PTPRG: variants seen among roughly 807,000 people sequenced by gnomAD.
PTPRG encodes receptor-type tyrosine-protein phosphatase gamma.
PTPRG carries 102 observed loss-of-function variants against 165.3 expected under a neutral mutation model. The observed-to-expected ratio is 0.62, with a 90% CI of 0.53 to 0.73. The LOEUF is 0.73. PTPRG is among the 30% of genes least tolerant of loss of function. The pLI, the probability that PTPRG is intolerant of heterozygous loss-of-function variation, is 0.00. For synonymous variants in PTPRG, 675 were observed against 669.5 expected (o/e 1.01, Z -0.13); for missense variants, 1,866 against 1,861.4 (o/e 1.00, Z -0.05).
chr3:62,130,862 G>A (rs567050955), intron 5 of PTPRG, among the ~76,000 whole-genome samples: 3 of 152,092 alleles, frequency 2.0e-5, no homozygotes, highest in Admixed American at 6.5e-5. Flanking sequence ...TTCTTCTCAG[G>A]CAATTTGTAG....
intron 12 of PTPRG, among the ~76,000 whole-genome samples, chr3:62,206,912 C>CAAAAAAAAAAAAAAAAAAAA (rs556974355): frequency 5.4e-5 from 2 of 37,338 alleles, no homozygotes; most frequent in African/African-American, 1.4e-4. Context: ...GACTCTGTCT[C>CAAAAAAAAAAAAAAAAAAAA]AAAAAAAAAA....
chr3:61,959,527 C>T (rs1033729536), intron 2 of PTPRG, among the ~76,000 whole-genome samples: 1 of 152,146 alleles, frequency 6.6e-6, no homozygotes, highest in Non-Finnish European at 1.5e-5. Flanking sequence ...TAACCGGAGG[C>T]GGAGCTCAGG....
At chr3:61,723,506 C>T (rs1369613468) in intron 1 of PTPRG, among the ~76,000 whole-genome samples, 1 of 151,992 alleles carries the variant, frequency 6.6e-6, no homozygotes, top group African/African-American at 2.4e-5. Flanking sequence ...GTCCTTGTTT[C>T]TATCAAAAAG....
At chr3:61,957,297 C>T (rs547312152) in intron 2 of PTPRG, among the ~76,000 whole-genome samples, 56 of 152,190 alleles carry the variant, frequency 3.7e-4, no homozygotes, top group Non-Finnish European at 6.8e-4. Context: ...AAATGTAAAA[C>T]AGTGAGACCA....
At chr3:61,648,586 T>C (rs775947453) in intron 1 of PTPRG, among the ~76,000 whole-genome samples, 2 of 152,234 alleles carry the variant, frequency 1.3e-5, no homozygotes, top group African/African-American at 2.4e-5. Context: ...GGTGTTTGAG[T>C]GGGGTGACCC....
Position 61,855,590 on chromosome 3 carries a change from G to A in PTPRG, c.190+106608G>A, listed in dbSNP as rs114235218. 1.1e-3 allele frequency among the ~76,000 whole-genome samples: 166 copies of A among 146,696 alleles called. 1 individual carries two copies. The highest frequency in any genetic ancestry group is 2.0e-3 in the Non-Finnish European group (136 of 66,850). ...ATAGCTTTAAAATGTTCATGTTAAA[G>A]TAGACTTTATAGTCTTGTAATGTTT... On this transcript the variant is annotated intron_variant, in intron 2 of 29. Transcript: ENST00000474889.
Position 61,746,208 on chromosome 3 carries a change from A to ATTTTTTTTTTT in PTPRG, c.86-2652_86-2642dup, listed in dbSNP as rs750697053. On this transcript the variant is annotated intron_variant, in intron 1 of 29. Coordinates refer to ENST00000474889, the MANE Select transcript of PTPRG (RefSeq NM_002841.4). ...CAGGCGTGTGCCACCACACACTCTA[A>ATTTTTTTTTTT]TTTTTTTTTTTTTTTTTTTTTTTTT... 5.8e-4 allele frequency among the ~76,000 whole-genome samples: 47 copies of ATTTTTTTTTTT among 81,320 alleles called. 2 individuals carry two copies. The highest frequency in any genetic ancestry group is 8.1e-4 in the East Asian group (2 of 2,476). The allele number at this position is 81,320 out of a possible 152,430, so 53.3% of individuals were successfully genotyped here.
In PTPRG at chr3:62,203,998, C is replaced by T. The variant is rs760682932; in HGVS notation, c.2155+48C>T. 49 of 1,502,712 alleles carry T rather than the reference C, an allele frequency of 3.3e-5. No individual in the cohort carries two copies. The highest frequency in any genetic ancestry group is 1.8e-4 in the Middle Eastern group (1 of 5,568). The allele number at this position is 1,502,712 out of a possible 1,614,324, so 93.1% of individuals were successfully genotyped here. A position where few individuals can be genotyped will look rare whatever the true frequency, so the allele number is the denominator to read the frequency against. ...GAGGGTTCCTGCTCCTGTGAATAGT[C>T]GTACCCTTTTTCAAAAAATTGGGAG... is the stretch of plus-strand genomic sequence containing the variant. On this transcript the variant is annotated intron_variant, in intron 12 of 29. Coordinates refer to ENST00000474889, the MANE Select transcript of PTPRG (RefSeq NM_002841.4). The surrounding 1 kb of genome is among the most constrained non-coding windows in gnomAD (Gnocchi z 6.4).
intron 1 of PTPRG, among the ~76,000 whole-genome samples, chr3:61,681,428 C>A (rs1047506028): frequency 6.6e-6 from 1 of 152,200 alleles, no homozygotes; most frequent in Non-Finnish European, 1.5e-5. Flanking sequence ...GGGTATTGGT[C>A]TGCTTTCAGT....
rs1700330130 is a variant in PTPRG at position 62,210,351 on chromosome 3, C to T, written c.2155+6401C>T. Among the ~76,000 whole-genome samples the T allele has an allele frequency of 6.6e-6, 1 of 152,118 alleles. No individual in the cohort carries two copies. The highest frequency in any genetic ancestry group is 1.5e-5 in the Non-Finnish European group (1 of 68,032). On this transcript the variant is annotated intron_variant, in intron 12 of 29. Transcript: ENST00000474889. This position sits in a 1 kb window ranked among gnomAD's most constrained non-coding sequence, Gnocchi z 4.1. ...GAAAAATAAAAGGCCAGTTTTGTGG[C>T]CCTGTAAAAACAGCAGCCACCTTAT...
chr3:61,772,932 A>G (rs1402952970), intron 2 of PTPRG, among the ~76,000 whole-genome samples: 1 of 152,232 alleles, frequency 6.6e-6, no homozygotes, highest in Admixed American at 6.5e-5. Context: ...AACGAATGGG[A>G]GAAATGAGTG....
chr3:61,703,642 G>T (rs888642561), intron 1 of PTPRG, among the ~76,000 whole-genome samples: 5 of 152,132 alleles, frequency 3.3e-5, no homozygotes, highest in African/African-American at 9.7e-5. Flanking sequence ...GCATAGGATT[G>T]TATCAGTGAA....
At chr3:61,836,490 G>C (rs1247594256) in intron 2 of PTPRG, among the ~76,000 whole-genome samples, 1 of 152,180 alleles carries the variant, frequency 6.6e-6, no homozygotes, top group Admixed American at 6.5e-5. Context: ...CTTAGGGATA[G>C]TGATAATAAA....
At chr3:61,942,795 T>C (rs967658993) in intron 2 of PTPRG, among the ~76,000 whole-genome samples, 2 of 152,254 alleles carry the variant, frequency 1.3e-5, no homozygotes, top group Non-Finnish European at 2.9e-5. Context: ...ATGTCTTTTT[T>C]AAAATTGTCC....
At chr3:62,285,628 C>G (rs535512271) in intron 28 of PTPRG, among the ~76,000 whole-genome samples, 1 of 151,554 alleles carries the variant, frequency 6.6e-6, no homozygotes, top group African/African-American at 2.4e-5. Context: ...TATTTGAGGA[C>G]AGGCACAGCT....
At chr3:62,109,260 T>C (rs1001100013) in intron 5 of PTPRG, among the ~76,000 whole-genome samples, 1 of 152,218 alleles carries the variant, frequency 6.6e-6, no homozygotes, top group African/African-American at 2.4e-5. Context: ...GTTCTCTGCA[T>C]GTGGCTAGCC....
chr3:62,292,663 C>A, intron 29 of PTPRG, 107 bp downstream of exon 29: 1 of 1,325,278 alleles, frequency 7.5e-7, no homozygotes, highest in Non-Finnish European at 1.0e-6. Context: ...CCCCAGGGGA[C>A]ATTTGGCCAT....
At chr3:61,708,256 A>G (rs988875036) in intron 1 of PTPRG, among the ~76,000 whole-genome samples, 1 of 151,946 alleles carries the variant, frequency 6.6e-6, no homozygotes, top group East Asian at 1.9e-4. Context: ...GCAACTTTGA[A>G]TAGTTGGTCT....
intron 1 of PTPRG, among the ~76,000 whole-genome samples, chr3:61,603,477 T>G (rs1005706077): frequency 1.3e-5 from 2 of 152,220 alleles, no homozygotes; most frequent in Non-Finnish European, 2.9e-5. Context: ...GCACTGTGCT[T>G]CCAGTATAGC....
Sources: gnomAD v4.1 joint callset for allele counts (sites outside exome capture counted in the v4.1 genomes callset) on GRCh38, gnomAD v4.1.1 for gene constraint, Gnocchi (gnomAD v3.1) non-coding constraint, MANE v1.5 for transcripts, NCBI Gene and HGNC (gene_info 2026-07-23, HGNC 2026-07-21) for gene names.